The following FBXO34 variants were observed in gnomAD, a reference collection of about 807,000 sequenced individuals.
The protein encoded by FBXO34 is F-box protein 34, also known as F-box only protein 34.
A neutral mutation model predicts 24.5 loss-of-function variants in FBXO34; 12 were observed. That is an observed-to-expected ratio of 0.49 (90% CI 0.31 to 0.79). The LOEUF is 0.79. Among genes scored for constraint, FBXO34 ranks in the 30% least tolerant of loss-of-function variants. FBXO34 has a pLI of 0.04. For synonymous variants in FBXO34, 320 were observed against 311.9 expected (o/e 1.03, Z -0.27); for missense variants, 823 against 857.7 (o/e 0.96, Z 0.51).
the FBXO34 span, among the ~76,000 whole-genome samples, chr14:55,383,380 A>G: frequency 6.6e-6 from 1 of 152,022 alleles, no homozygotes; most frequent in East Asian, 1.9e-4. Flanking sequence ...GTGAAATGCC[A>G]TCGCTACTAA....
chr14:55,358,850 A>G (rs1180518505), intron 3 of FBXO34, among the ~76,000 whole-genome samples: 1 of 152,098 alleles, frequency 6.6e-6, no homozygotes. Context: ...GGGAGCTCCC[A>G]GGTGATTCCA....
chr14:55,435,979 G>GT, the FBXO34 span: 5 of 812,924 alleles, frequency 6.2e-6, no homozygotes, highest in African/African-American at 9.9e-5. Flanking sequence ...GATATAAAGA[G>GT]TAAAAAAAAA....
At position 55,274,509 on chromosome 14, in the gene FBXO34, ATTAT is replaced by A. The variant is rs1881269308; in HGVS notation, c.-11+2975_-11+2978del. Among the ~76,000 whole-genome samples, 2 of 152,292 alleles carry A rather than the reference ATTAT, an allele frequency of 1.3e-5. 1 individual carries two copies. The highest frequency in any genetic ancestry group is 4.8e-5 in the African/African-American group (2 of 41,556). ...TGGAAATTAATTTTGAGATTGGTTT[ATTAT>A]TTTAAGTCATTTTATTCACTTATAT... On this transcript the variant is annotated intron_variant, in intron 1 of 1. Coordinates refer to ENST00000313833, the MANE Select transcript of FBXO34 (RefSeq NM_017943.4).
chr14:55,302,460 T>G (rs577574440), intron 1 of FBXO34, among the ~76,000 whole-genome samples: 16 of 150,922 alleles, frequency 1.1e-4, no homozygotes, highest in African/African-American at 1.9e-4. Context: ...TTTGTTTTTT[T>G]TTTTTTTTTT....
chr14:55,406,588 T>C, the FBXO34 span, among the ~76,000 whole-genome samples: 490 of 152,310 alleles, frequency 3.2e-3, 1 homozygote, highest in African/African-American at 0.011. Flanking sequence ...GCCAGAAAAT[T>C]TTGTGCACAT....
chr14:55,317,509 C>T (rs576196060), intron 1 of FBXO34, among the ~76,000 whole-genome samples: 13 of 152,026 alleles, frequency 8.6e-5, no homozygotes, highest in African/African-American at 2.7e-4. Flanking sequence ...AACCAAAAAA[C>T]GGTAATAAAT....
At chr14:55,347,682 A>T (rs116775094) in intron 1 of FBXO34, among the ~76,000 whole-genome samples, 1 of 152,194 alleles carries the variant, frequency 6.6e-6, no homozygotes, top group Admixed American at 6.5e-5. Flanking sequence ...TTGCACACAA[A>T]GTGTTAGTTG....
At position 55,349,876 on chromosome 14, in the gene FBXO34, G is replaced by A. The variant is rs141259839; in HGVS notation, c.-10-505G>A. 6.9e-4 allele frequency among the ~76,000 whole-genome samples: 105 copies of A among 151,988 alleles called. 1 individual carries two copies. Among genetic ancestry groups the A allele is most frequent in the Non-Finnish European group, 9.0e-4 (61 of 67,962 alleles). Reference sequence around the variant, plus strand: ...CCTGCCTTGTCCTCCCAAAGTGCTGGGATTACAGACGTCAGTCACCATGCC... The same window carrying A: ...CCTGCCTTGTCCTCCCAAAGTGCTGAGATTACAGACGTCAGTCACCATGCC... On this transcript the variant is annotated intron_variant, in intron 1 of 1. Transcript: ENST00000313833.
chr14:55,359,659 T>G (rs1041440431), intron 3 of FBXO34, among the ~76,000 whole-genome samples: 1 of 152,208 alleles, frequency 6.6e-6, no homozygotes, highest in African/African-American at 2.4e-5. Flanking sequence ...GCTGTATCGA[T>G]TAACTCTTCC....
chr14:55,314,806 A>G (rs911576225), intron 1 of FBXO34, among the ~76,000 whole-genome samples: 4 of 152,238 alleles, frequency 2.6e-5, no homozygotes, highest in African/African-American at 9.6e-5. Context: ...GAAGTATTAA[A>G]TGTACATAGT....
At chr14:55,324,560 G>A (rs1883277444) in intron 1 of FBXO34, among the ~76,000 whole-genome samples, 1 of 151,470 alleles carries the variant, frequency 6.6e-6, no homozygotes, top group Non-Finnish European at 1.5e-5. Context: ...TTTTTAATTT[G>A]TTGGTTTAAC....
chr14:55,433,309 CTT>C, the FBXO34 span, among the ~76,000 whole-genome samples: 39,960 of 119,368 alleles, frequency 0.33, 7,485 homozygotes, highest in East Asian at 0.56. Flanking sequence ...TTAGATTTCT[CTT>C]TTTTTTTTTT....
the FBXO34 span, chr14:55,413,939 C>T: frequency 2.0e-6 from 1 of 492,676 alleles, no homozygotes; most frequent in Admixed American, 2.1e-5. Flanking sequence ...CCCTTGATGT[C>T]TACAATATCA....
the FBXO34 span, among the ~76,000 whole-genome samples, chr14:55,402,376 T>TA: frequency 2.6e-5 from 4 of 151,090 alleles, no homozygotes; most frequent in East Asian, 3.9e-4. Flanking sequence ...ATTGAGGGCC[T>TA]AAAAAAAAAT....
At chr14:55,407,298 T>G in the FBXO34 span, among the ~76,000 whole-genome samples, 5 of 152,196 alleles carry the variant, frequency 3.3e-5, no homozygotes, top group East Asian at 9.6e-4. Flanking sequence ...GCCCAGCTAA[T>G]TTTTGTATTT....
intron 3 of FBXO34, among the ~76,000 whole-genome samples, chr14:55,359,103 G>A (rs941556425): frequency 1.3e-5 from 2 of 152,150 alleles, no homozygotes; most frequent in Non-Finnish European, 2.9e-5. Flanking sequence ...GCAGGATGAA[G>A]GGGAGGGAGT....
the FBXO34 span, among the ~76,000 whole-genome samples, chr14:55,437,491 T>C: frequency 6.6e-6 from 1 of 152,128 alleles, no homozygotes; most frequent in Non-Finnish European, 1.5e-5. Context: ...AATGATTCTA[T>C]TACAGTTACA....
At chr14:55,440,095 G>GA in the FBXO34 span, among the ~76,000 whole-genome samples, 1 of 149,906 alleles carries the variant, frequency 6.7e-6, no homozygotes, top group Non-Finnish European at 1.5e-5. Context: ...CCATCTCAGA[G>GA]AAAAATCAAT....
At chr14:55,335,851 A>G (rs938921878) in intron 1 of FBXO34, among the ~76,000 whole-genome samples, 3 of 152,210 alleles carry the variant, frequency 2.0e-5, no homozygotes, top group East Asian at 1.9e-4. Context: ...AGAGCAATGT[A>G]TAACTACATG....
Sources: allele counts gnomAD v4.1 joint callset (sites outside exome capture counted in the v4.1 genomes callset), GRCh38; gene constraint gnomAD v4.1.1; transcripts MANE v1.5; gene names NCBI Gene and HGNC (gene_info 2026-07-23, HGNC 2026-07-21).